Variants in HAUS3 observed in about 807,000 individuals in gnomAD.
HAUS3 encodes the protein HAUS augmin like complex subunit 3.
In HAUS3, 36 loss-of-function variants were observed where a neutral mutation model predicts 55.2. The ratio of observed to expected loss-of-function variants is 0.65; its 90% CI spans 0.50 to 0.86. The LOEUF (loss-of-function observed/expected upper bound fraction) is 0.86, where lower values mean the gene tolerates loss of function less well. Among genes scored for constraint, HAUS3 ranks in the 40% least tolerant of loss-of-function variants. The pLI, the probability that HAUS3 is intolerant of heterozygous loss-of-function variation, is 0.00. For synonymous variants in HAUS3, 234 were observed against 238.6 expected, an observed-to-expected ratio of 0.98 and a Z score of 0.18; for missense variants, 752 against 671.5, an observed-to-expected ratio of 1.12 and a Z score of -1.33.
intron 5 of HAUS3, among the ~76,000 whole-genome samples, chr4:2,235,297 G>A (rs1734722154): frequency 6.6e-6 from 1 of 152,192 alleles, no homozygotes; most frequent in South Asian, 2.1e-4. Flanking sequence ...TCAGTAATGG[G>A]AGACCTTTCA....
At position 2,241,090 on chromosome 4, in the gene HAUS3, C is replaced by G; in HGVS notation, c.-144G>C. On this transcript the variant is annotated 5_prime_UTR_variant, in exon 3 of 6. Coordinates refer to ENST00000443786, the MANE Select transcript of HAUS3 (RefSeq NM_001303143.2). ...TATATTTTTAGAATCTATAATGATT[C>G]CTCCTAGGGGGGAAGAAAACAAGTA... The G allele has an allele frequency of 1.6e-6, 1 of 634,108 alleles. No individual in the cohort carries two copies. Among genetic ancestry groups the G allele is most frequent in the Non-Finnish European group, 2.6e-6 (1 of 377,602 alleles). 39.3% of individuals were successfully genotyped at this position (634,108 alleles called of 1,614,324 possible). A position where few individuals can be genotyped will look rare whatever the true frequency, so the allele number is the denominator to read the frequency against.
chr4:2,238,966 A>G lies in HAUS3; in HGVS notation c.987T>C (p.Thr329=). 1.9e-6 allele frequency: 3 copies of G among 1,587,384 alleles called. No homozygotes were observed. Among genetic ancestry groups the G allele is most frequent in the Non-Finnish European group, 2.6e-6 (3 of 1,171,802 alleles). The change falls in exon 4 of 6, where the codon ACT becomes ACC. Residue 329 remains threonine (T), a synonymous_variant. Coordinates refer to ENST00000443786, the MANE Select transcript of HAUS3 (RefSeq NM_001303143.2). ...SEIMKLEKEV[T]QIKDRSLPAV... ...CAGGTAAACTTCTGTCTTTTATTTG[A>G]GTGACCTCTTTTTCAAGTTTCATAA...
chr4:2,229,047 C>A lies in HAUS3; in HGVS notation c.*2880G>T. ...CATTTTCAATTCTTAGTCTTTAGAACAATTAACATTCAAAGTATCAAGAGA... is the reference window on the plus strand; with the variant it reads ...CATTTTCAATTCTTAGTCTTTAGAAAAATTAACATTCAAAGTATCAAGAGA... On this transcript the variant is annotated 3_prime_UTR_variant, in exon 6 of 6. Transcript: ENST00000443786. 4 of 1,508,012 alleles carry A rather than the reference C, an allele frequency of 2.7e-6. No individual in the cohort carries two copies. The South Asian group carries it at 3.7e-5, about 14-fold the overall frequency. The allele number at this position is 1,508,012 out of a possible 1,614,324, so 93.4% of individuals were successfully genotyped here.
intron 5 of HAUS3, among the ~76,000 whole-genome samples, chr4:2,235,131 G>A (rs1002302563): frequency 1.3e-5 from 2 of 152,194 alleles, no homozygotes; most frequent in East Asian, 1.9e-4. Flanking sequence ...TGATCCACCC[G>A]CCTCAGCCTC....
rs1180485017 is a variant in HAUS3, at chr4:2,228,483, G to A, written c.*3444C>T. ...CCTCCCAAGTAGCTGGACTACAGGC[G>A]CCTACCACCACTCCCAGCTAATTTT... On this transcript the variant is annotated 3_prime_UTR_variant, in exon 6 of 6. Transcript: ENST00000443786. 3 of 193,598 alleles carry A rather than the reference G, an allele frequency of 1.5e-5. No homozygotes were observed. Among genetic ancestry groups the A allele is most frequent in the Non-Finnish European group, 2.2e-5 (2 of 91,168 alleles). The allele number at this position is 193,598 out of a possible 1,614,324, so 12.0% of individuals were successfully genotyped here.
chr4:2,237,163 AC>A (rs1273269144), intron 4 of HAUS3, among the ~76,000 whole-genome samples: 66 of 152,254 alleles, frequency 4.3e-4, no homozygotes, highest in African/African-American at 1.6e-3. Flanking sequence ...TGTAGTAGAA[AC>A]AACAGGCTAT....
chr4:2,235,024 T>C (rs978370131), intron 5 of HAUS3, among the ~76,000 whole-genome samples: 1 of 152,216 alleles, frequency 6.6e-6, no homozygotes, highest in African/African-American at 2.4e-5. Flanking sequence ...TAGCTGGGAT[T>C]ACAGTCACCC....
intron 4 of HAUS3, among the ~76,000 whole-genome samples, chr4:2,236,906 T>C (rs1223480263): frequency 1.3e-5 from 2 of 149,788 alleles, no homozygotes; most frequent in Admixed American, 6.7e-5. Flanking sequence ...ATAATATTAT[T>C]ATTATTTGTG....
rs1218945991 is a variant in HAUS3 at position 2,230,266 on chromosome 4, G to A, written c.*1661C>T. The A allele has an allele frequency of 6.6e-6, 1 of 152,174 alleles. No individual in the cohort carries two copies. Among genetic ancestry groups the A allele is most frequent in the African/African-American group, 2.4e-5 (1 of 41,434 alleles). The allele number at this position is 152,174 out of a possible 1,614,324, so 9.4% of individuals were successfully genotyped here. The stretch of plus-strand genomic sequence containing the variant: ...GCCGAGATCATTCCACTGAACTCCA[G>A]CCTGAGTGACACAGTTAGACTCTGT... On this transcript the variant is annotated 3_prime_UTR_variant, in exon 6 of 6. Transcript: ENST00000443786.
chr4:2,229,090 A>C lies in HAUS3; in HGVS notation c.*2837T>G. 1.3e-6 allele frequency: 2 copies of C among 1,573,596 alleles called. No individual in the cohort carries two copies. The highest frequency in any genetic ancestry group is 1.7e-6 in the Non-Finnish European group (2 of 1,158,812). On this transcript the variant is annotated 3_prime_UTR_variant, in exon 6 of 6. Transcript: ENST00000443786. ...TCAAGAGAAAGAAAGGTTCATAAAA[A>C]TTACTTACTCTCTGTACTCTTTCCC...
rs369451459 is a variant in HAUS3 at position 2,229,080 on chromosome 4, G to T, written c.*2847C>A. ...ATTCAAAGTATCAAGAGAAAGAAAG[G>T]TTCATAAAAATTACTTACTCTCTGT... is the stretch of plus-strand genomic sequence containing the variant. On this transcript the variant is annotated 3_prime_UTR_variant, in exon 6 of 6. Coordinates refer to ENST00000443786, the MANE Select transcript of HAUS3 (RefSeq NM_001303143.2). 1.7e-5 allele frequency: 27 copies of T among 1,562,548 alleles called. No homozygotes were observed. In the African/African-American group the frequency reaches 3.6e-4, roughly 21 times the overall value.
chr4:2,234,101 T>C (rs1734675107), intron 5 of HAUS3: 1 of 152,100 alleles, frequency 6.6e-6, no homozygotes, highest in Admixed American at 6.5e-5. Flanking sequence ...AATAACCAGC[T>C]ACAAAATTGA....
At position 2,229,051 on chromosome 4, in the gene HAUS3, T is replaced by G. The variant is rs1734484205; in HGVS notation, c.*2876A>C. On this transcript the variant is annotated 3_prime_UTR_variant, in exon 6 of 6. Coordinates refer to ENST00000443786, the MANE Select transcript of HAUS3 (RefSeq NM_001303143.2). ...TTCAATTCTTAGTCTTTAGAACAAT[T>G]AACATTCAAAGTATCAAGAGAAAGA... The G allele has an allele frequency of 6.6e-7, 1 of 1,518,854 alleles. No individual in the cohort carries two copies. The highest frequency in any genetic ancestry group is 1.2e-5 in the South Asian group (1 of 82,920). The allele number at this position is 1,518,854 out of a possible 1,614,324, so 94.1% of individuals were successfully genotyped here. A position where few individuals can be genotyped will look rare whatever the true frequency, so the allele number is the denominator to read the frequency against.
rs757846739 is a variant in HAUS3, at chr4:2,240,596, A to T, written c.351T>A (p.Ile117=). ...TCAATTGACATTTATTACGTCGCTG[A>T]ATTTTTAGGTTCTTTAATTTCAGTA... ...QTLLKLKNLK[I]QRRNKCQLMA... The change falls in exon 3 of 6, where the codon ATT becomes ATA. Residue 117 remains isoleucine, a synonymous_variant. Transcript: ENST00000443786. 1 of 1,612,476 alleles carries T rather than the reference A, an allele frequency of 6.2e-7. No homozygotes were observed. Among genetic ancestry groups the T allele is most frequent in the Admixed American group, 1.7e-5 (1 of 59,526 alleles).
Position 2,231,742 on chromosome 4 carries a change from T to A in HAUS3, c.*185A>T. On this transcript the variant is annotated 3_prime_UTR_variant, in exon 6 of 6. Coordinates refer to ENST00000443786, the MANE Select transcript of HAUS3 (RefSeq NM_001303143.2). Reference sequence around the variant, plus strand: ...AAGTACCACTAAACACATGCTCAAGTCATAAAAAGCACTGGTATTCTGAAT... The same window carrying A: ...AAGTACCACTAAACACATGCTCAAGACATAAAAAGCACTGGTATTCTGAAT... 1 of 450,990 alleles carries A rather than the reference T, an allele frequency of 2.2e-6. No homozygotes were observed. Among genetic ancestry groups the A allele is most frequent in the Admixed American group, 4.5e-5 (1 of 22,414 alleles). The allele number at this position is 450,990 out of a possible 1,614,324, so 27.9% of individuals were successfully genotyped here. A position where few individuals can be genotyped will look rare whatever the true frequency, so the allele number is the denominator to read the frequency against.
intron 5 of HAUS3, among the ~76,000 whole-genome samples, chr4:2,234,879 A>T (rs1734703582): frequency 6.6e-6 from 1 of 152,140 alleles, no homozygotes; most frequent in African/African-American, 2.4e-5. Context: ...ATATACAACT[A>T]CATGGAGAAA....
At position 2,238,643 on chromosome 4, in the gene HAUS3, G is replaced by A; in HGVS notation, c.1310C>T (p.Pro437Leu). The change falls in exon 4 of 6, where the codon CCA (proline) becomes CTA (leucine). Residue 437 changes from proline (P) to leucine (L), a missense_variant. By Grantham distance (98) the Pro-to-Leu change is moderately conservative. Coordinates refer to ENST00000443786, the MANE Select transcript of HAUS3 (RefSeq NM_001303143.2). ...TDPSVSQQINPRNTIDTKDYS... is the reference protein window; with the variant it reads ...TDPSVSQQINLRNTIDTKDYS... The stretch of plus-strand genomic sequence containing the variant: ...ATCCTTAGTATCAATGGTATTCCTT[G>A]GATTTATCTGTTGAGAAACTGATGG... The A allele has an allele frequency of 1.9e-6, 3 of 1,609,450 alleles. No homozygotes were observed. Among genetic ancestry groups the A allele is most frequent in the Non-Finnish European group, 2.6e-6 (3 of 1,176,354 alleles).
Position 2,240,942 on chromosome 4 carries a change from C to G in HAUS3, c.5G>C (p.Ser2Thr), listed in dbSNP as rs751903508. 8 of 1,591,558 alleles carry G rather than the reference C, an allele frequency of 5.0e-6. No individual in the cohort carries two copies. In the South Asian group the frequency reaches 9.0e-5, roughly 18 times the overall value. MSCGNEFVETLK... is the reference protein window; with the variant it reads MTCGNEFVETLK... Reference sequence around the variant, plus strand: ...TGTTTCCACAAACTCATTTCCACAACTCATGGTTTTAACTACCCCAATTTT... The same window carrying G: ...TGTTTCCACAAACTCATTTCCACAAGTCATGGTTTTAACTACCCCAATTTT... Residue 2 changes from serine to threonine, a missense_variant, in exon 3 of 6, where the codon AGT becomes ACT. By Grantham distance (58) the Ser-to-Thr change is moderately conservative (BLOSUM62 1). Coordinates refer to ENST00000443786, the MANE Select transcript of HAUS3 (RefSeq NM_001303143.2).
rs11937432 is a variant in HAUS3 at position 2,231,982 on chromosome 4, A to G, written c.1757T>C (p.Ile586Thr). Residue 586 changes from isoleucine to threonine, a missense_variant, in exon 6 of 6, where the codon ATT becomes ACT. Transcript: ENST00000443786. ...TGATTGAGTTTCTAAATTCTCCACA[A>G]TATCTTTCAGATAATCTTCATCTTT... The part of the protein sequence containing the change: ...FLKDEDYLKD[I>T]VENLETQSKI... 74,101 of 1,487,268 alleles carry G rather than the reference A, an allele frequency of 0.05. 2,493 individuals carry two copies. The highest frequency in any genetic ancestry group is 0.16 in the African/African-American group (11,111 of 71,606). The allele number at this position is 1,487,268 out of a possible 1,614,324, so 92.1% of individuals were successfully genotyped here. A position where few individuals can be genotyped will look rare whatever the true frequency, so the allele number is the denominator to read the frequency against.
Sources: allele counts gnomAD v4.1 joint callset (sites outside exome capture counted in the v4.1 genomes callset), GRCh38; gene constraint gnomAD v4.1.1; transcripts MANE v1.5; gene names NCBI Gene and HGNC (gene_info 2026-07-23, HGNC 2026-07-21).